TFDP2: variants seen among roughly 807,000 people sequenced by gnomAD.
The protein encoded by TFDP2 is transcription factor Dp-2 (E2F dimerization partner 2).
A neutral mutation model predicts 59.3 loss-of-function variants in TFDP2; 17 were observed. The ratio of observed to expected loss-of-function variants is 0.29; its 90% confidence interval spans 0.20 to 0.43. The LOEUF (loss-of-function observed/expected upper bound fraction) is 0.43. Among genes scored for constraint, TFDP2 ranks in the 20% least tolerant of loss-of-function variants. The pLI is 1.00. For missense variants in TFDP2, 391 were observed against 528.8 expected (o/e 0.74, Z 2.56); for synonymous variants, 180 against 194.7 (o/e 0.92, Z 0.63).
chr3:142,065,509 G>GT (rs2060045738), intron 3 of TFDP2, among the ~76,000 whole-genome samples: 1 of 148,254 alleles, frequency 6.7e-6, no homozygotes, highest in East Asian at 2.0e-4. Context: ...TGTGTGTGTG[G>GT]GTGTGTGTGT....
intron 3 of TFDP2, among the ~76,000 whole-genome samples, chr3:142,059,142 T>C (rs1056405288): frequency 2.0e-5 from 3 of 152,250 alleles, no homozygotes; most frequent in Non-Finnish European, 4.4e-5. Flanking sequence ...TATTTTTCTA[T>C]GGTAATCAGT....
At chr3:141,987,214 C>T (rs1942192126) in intron 6 of TFDP2, among the ~76,000 whole-genome samples, 1 of 151,958 alleles carries the variant, frequency 6.6e-6, no homozygotes, top group African/African-American at 2.4e-5. Flanking sequence ...GTTTCTTATG[C>T]CAAGTTGAAA....
intron 4 of TFDP2, among the ~76,000 whole-genome samples, chr3:142,001,486 T>C (rs1196146402): frequency 1.3e-5 from 2 of 152,200 alleles, no homozygotes; most frequent in Non-Finnish European, 1.5e-5. Context: ...CGGTAATCAC[T>C]GAAATGCTAT....
intron 7 of TFDP2, among the ~76,000 whole-genome samples, chr3:141,978,047 CA>C (rs983935514): frequency 1.4e-5 from 2 of 146,546 alleles, no homozygotes; most frequent in African/African-American, 5.0e-5. Context: ...CAAAAAAAAA[CA>C]AAAAAAACAA....
At position 141,947,447 on chromosome 3, in the gene TFDP2, C is replaced by T. The variant is rs1230569428; in HGVS notation, c.*5066G>A. 3.9e-5 allele frequency: 6 copies of T among 152,148 alleles called. No individual in the cohort carries two copies. The highest frequency in any genetic ancestry group is 1.4e-4 in the African/African-American group (6 of 41,410). 9.4% of individuals were successfully genotyped at this position (152,148 alleles called of 1,614,324 possible). On this transcript the variant is annotated 3_prime_UTR_variant, in exon 13 of 13. Coordinates refer to ENST00000489671, the MANE Select transcript of TFDP2 (RefSeq NM_001178139.2). ...TTTCTTTTTTTGAGACAGAGTCCTG[C>T]TCTGTCACCTGGGCTGGAGTGCAGT...
chr3:142,131,736 T>C (rs1449330288), intron 1 of TFDP2, among the ~76,000 whole-genome samples: 1 of 150,062 alleles, frequency 6.7e-6, no homozygotes, highest in Admixed American at 6.6e-5. Flanking sequence ...CCGGGCACGA[T>C]GTCTCATGCC....
intron 1 of TFDP2, among the ~76,000 whole-genome samples, chr3:142,126,682 C>G (rs2062265894): frequency 6.6e-6 from 1 of 152,076 alleles, no homozygotes; most frequent in Non-Finnish European, 1.5e-5. Context: ...CATGGTGGCT[C>G]ATGCCTGTAA....
At chr3:141,974,214 A>G (rs1363917666) in intron 7 of TFDP2, 23 bp from the exon 8 acceptor site, 2 of 1,582,604 alleles carry the variant, frequency 1.3e-6, no homozygotes, top group African/African-American at 2.7e-5. Context: ...ATTTTCACTG[A>G]GTGATAAATC....
At chr3:142,133,254 T>C (rs2062583027) in intron 1 of TFDP2, among the ~76,000 whole-genome samples, 2 of 150,206 alleles carry the variant, frequency 1.3e-5, no homozygotes, top group Non-Finnish European at 2.9e-5. Flanking sequence ...TCTTACCCTG[T>C]CACCCAGACT....
intron 3 of TFDP2, among the ~76,000 whole-genome samples, chr3:142,067,173 T>C (rs985355437): frequency 3.9e-5 from 6 of 152,148 alleles, no homozygotes; most frequent in Non-Finnish European, 8.8e-5. Flanking sequence ...TAGAAAGCAA[T>C]TATATATCTA....
At chr3:142,062,365 G>GTA (rs1405809611) in intron 3 of TFDP2, among the ~76,000 whole-genome samples, 1 of 143,992 alleles carries the variant, frequency 6.9e-6, no homozygotes, top group Admixed American at 7.3e-5. Flanking sequence ...AGGGTCAGCT[G>GTA]TATATATACA....
At chr3:142,059,188 A>G (rs2059836785) in intron 3 of TFDP2, among the ~76,000 whole-genome samples, 1 of 152,216 alleles carries the variant, frequency 6.6e-6, no homozygotes, top group Non-Finnish European at 1.5e-5. Flanking sequence ...ATTCTATATA[A>G]ATTGATACAT....
chr3:142,121,656 A>G lies in TFDP2; in HGVS notation c.-92-19815T>C, dbSNP rs996257589. On this transcript the variant is annotated intron_variant, in intron 1 of 12. Coordinates refer to ENST00000489671, the MANE Select transcript of TFDP2 (RefSeq NM_001178139.2). The surrounding 1 kb of genome is among the most constrained non-coding windows in gnomAD (Gnocchi z 4.3). ...GTCCTCCCTTGTGCTTCCATAGGCT[A>G]TACAGATTGACTATACAGTTTAGAA... Among the ~76,000 whole-genome samples the G allele has an allele frequency of 6.6e-6, 1 of 152,146 alleles. No individual in the cohort carries two copies.
At chr3:142,000,210 CA>C in intron 4 of TFDP2, 1 of 697,214 alleles carries the variant, frequency 1.4e-6, no homozygotes, top group Non-Finnish European at 2.6e-6. Flanking sequence ...GCAAGGAGTA[CA>C]AAACTGGGTA....
At chr3:142,049,314 T>C (rs1352646386) in intron 3 of TFDP2, among the ~76,000 whole-genome samples, 4 of 152,202 alleles carry the variant, frequency 2.6e-5, no homozygotes, top group East Asian at 1.9e-4. Context: ...GATTTAACAT[T>C]GGAAAATCAA....
intron 7 of TFDP2, among the ~76,000 whole-genome samples, chr3:141,977,671 T>C (rs1437496161): frequency 6.6e-6 from 1 of 152,024 alleles, no homozygotes; most frequent in African/African-American, 2.4e-5. Flanking sequence ...GAAGAAACAA[T>C]AAGATTCAGA....
At chr3:142,086,547 T>C (rs745877498) in intron 3 of TFDP2, among the ~76,000 whole-genome samples, 9 of 152,178 alleles carry the variant, frequency 5.9e-5, no homozygotes, top group Non-Finnish European at 8.8e-5. Context: ...ACAAAGGACG[T>C]AGATGAACAA....
chr3:142,027,128 T>C (rs906100057), intron 3 of TFDP2, among the ~76,000 whole-genome samples: 2 of 152,198 alleles, frequency 1.3e-5, no homozygotes, highest in African/African-American at 4.8e-5. Flanking sequence ...AAATGGTCTA[T>C]ATGATTTAAT....
intron 1 of TFDP2, among the ~76,000 whole-genome samples, chr3:142,104,427 T>C (rs1254294030): frequency 6.6e-6 from 1 of 152,186 alleles, no homozygotes; most frequent in African/African-American, 2.4e-5. Flanking sequence ...CTGTATCTAA[T>C]AGATCTGAAA....
Sources: gnomAD v4.1 joint callset for allele counts (sites outside exome capture counted in the v4.1 genomes callset) on GRCh38, gnomAD v4.1.1 for gene constraint, Gnocchi (gnomAD v3.1) non-coding constraint, MANE v1.5 for transcripts, NCBI Gene and HGNC (gene_info 2026-07-23, HGNC 2026-07-21) for gene names.